DLGAP1: variants seen among roughly 807,000 people sequenced by gnomAD.
DLGAP1 encodes DLG associated protein 1.
A neutral mutation model predicts 90.8 loss-of-function variants in DLGAP1; 11 were observed. The observed-to-expected ratio is 0.12, with a 90% CI of 0.08 to 0.20. The LOEUF (loss-of-function observed/expected upper bound fraction) is 0.20, where lower values mean the gene tolerates loss of function less well. Among genes scored for constraint, DLGAP1 ranks in the 10% least tolerant of loss-of-function variants. The probability of loss-of-function intolerance (pLI) is 1.00; values close to 1 mark genes in which losing one functional copy is unlikely to be tolerated. For synonymous variants in DLGAP1, 558 were observed against 540.7 expected (o/e 1.03, Z -0.44); for missense variants, 1,050 against 1,333.8 (o/e 0.79, Z 3.31).
At chr18:3,848,719 G>C (rs1568234737) in intron 4 of DLGAP1, among the ~76,000 whole-genome samples, 1 of 152,120 alleles carries the variant, frequency 6.6e-6, no homozygotes, top group Admixed American at 6.5e-5. Flanking sequence ...AAGAGATATT[G>C]ATTTGGAATC....
intron 3 of DLGAP1, among the ~76,000 whole-genome samples, chr18:3,908,320 G>A (rs1004251239): frequency 1.3e-5 from 2 of 152,180 alleles, no homozygotes; most frequent in Non-Finnish European, 2.9e-5. Context: ...ATATTACTTA[G>A]AGGTAGTTGC....
rs987455379 is a variant in DLGAP1, at chr18:4,340,172, T to A, written c.-267+114834A>T. Among the ~76,000 whole-genome samples, 3 of 152,188 alleles carry A rather than the reference T, an allele frequency of 2.0e-5. No individual in the cohort carries two copies. In the East Asian group the frequency reaches 5.8e-4, roughly 29 times the overall value. On this transcript the variant is annotated intron_variant, in intron 1 of 12. Coordinates refer to ENST00000315677, the MANE Select transcript of DLGAP1 (RefSeq NM_004746.4). ...TAACTAATAATTATTAGTTGAATAT[T>A]ATTAATGACATATTATAAAATAAGG...
chr18:3,889,107 G>A (rs997568253), intron 3 of DLGAP1, among the ~76,000 whole-genome samples: 4 of 152,078 alleles, frequency 2.6e-5, no homozygotes, highest in African/African-American at 7.2e-5. Context: ...ACCCATCAGC[G>A]TTTACTCCAA....
At chr18:3,828,291 T>G (rs561208114) in intron 4 of DLGAP1, among the ~76,000 whole-genome samples, 1 of 152,324 alleles carries the variant, frequency 6.6e-6, no homozygotes, top group South Asian at 2.1e-4. Flanking sequence ...TGCTTTTTCA[T>G]GTTCTTGTAC....
intron 4 of DLGAP1, among the ~76,000 whole-genome samples, chr18:3,843,850 A>T (rs1235650330): frequency 6.6e-6 from 1 of 152,160 alleles, no homozygotes; most frequent in African/African-American, 2.4e-5. Flanking sequence ...TGACTTAGTA[A>T]ATTACAGGCA....
At chr18:3,551,608 T>TCTTG (rs145315408) in intron 9 of DLGAP1, among the ~76,000 whole-genome samples, 1 of 93,514 alleles carries the variant, frequency 1.1e-5, no homozygotes, top group African/African-American at 3.9e-5. Flanking sequence ...TCTTTTTCTT[T>TCTTG]CTTTCTTTCT....
intron 9 of DLGAP1, among the ~76,000 whole-genome samples, chr18:3,544,719 TTTTATTTA>T (rs3072938): frequency 7.1e-4 from 101 of 143,200 alleles, no homozygotes; most frequent in African/African-American, 2.1e-3. Context: ...TGTACTTTGC[TTTTATTTA>T]TTTATTTATT....
chr18:3,756,340 C>A (rs559273192), intron 5 of DLGAP1, among the ~76,000 whole-genome samples: 2 of 152,006 alleles, frequency 1.3e-5, no homozygotes, highest in African/African-American at 4.8e-5. Context: ...TGAGCCACCA[C>A]GCCTGGCCTA....
chr18:3,881,000 T>TA (rs913640916), intron 3 of DLGAP1, among the ~76,000 whole-genome samples: 57 of 150,318 alleles, frequency 3.8e-4, no homozygotes, highest in South Asian at 2.1e-3. Flanking sequence ...AAACTATATT[T>TA]AAAAAAAAAC....
intron 7 of DLGAP1, among the ~76,000 whole-genome samples, chr18:3,621,679 C>G (rs2058100331): frequency 1.3e-5 from 2 of 152,242 alleles, no homozygotes; most frequent in African/African-American, 4.8e-5. Context: ...CGTGGCTGCA[C>G]TGGAGTCTCT....
chr18:4,283,665 T>G (rs1385005791), intron 1 of DLGAP1, among the ~76,000 whole-genome samples: 4 of 152,164 alleles, frequency 2.6e-5, no homozygotes, highest in African/African-American at 9.6e-5. Flanking sequence ...AGGGATCAAA[T>G]AGTTTGGGAT....
intron 7 of DLGAP1, among the ~76,000 whole-genome samples, chr18:3,599,634 G>GT: frequency 6.6e-6 from 1 of 152,180 alleles, no homozygotes; most frequent in African/African-American, 2.4e-5. Flanking sequence ...TGTTTGTTTT[G>GT]TTTTTTGAGA....
At chr18:4,163,521 T>C (rs1486464584) in intron 1 of DLGAP1, among the ~76,000 whole-genome samples, 1 of 152,236 alleles carries the variant, frequency 6.6e-6, no homozygotes, top group Non-Finnish European at 1.5e-5. Flanking sequence ...TTATTTTCAT[T>C]AGTTCCCACA....
chr18:4,235,898 G>C (rs1375598409), intron 1 of DLGAP1, among the ~76,000 whole-genome samples: 1 of 151,578 alleles, frequency 6.6e-6, no homozygotes, highest in Admixed American at 6.6e-5. Context: ...GCTAATTTTT[G>C]TATTTTTAGT....
At chr18:4,258,016 C>T (rs928526254) in intron 1 of DLGAP1, among the ~76,000 whole-genome samples, 196 of 127,508 alleles carry the variant, frequency 1.5e-3, no homozygotes, top group Middle Eastern at 0.013. Context: ...TGTGTGCGCG[C>T]GCGCGCGTAT....
chr18:4,010,276 G>C (rs1191114266), intron 2 of DLGAP1, among the ~76,000 whole-genome samples: 1 of 152,226 alleles, frequency 6.6e-6, no homozygotes, highest in East Asian at 1.9e-4. Flanking sequence ...TGGGTGCGGT[G>C]GCTCAGTGCT....
At chr18:3,659,443 C>T (rs1341975335) in intron 7 of DLGAP1, among the ~76,000 whole-genome samples, 1 of 111,526 alleles carries the variant, frequency 9.0e-6, no homozygotes, top group Non-Finnish European at 1.7e-5. Context: ...ACGGATGCTA[C>T]CACCCCCCGC....
intron 1 of DLGAP1, among the ~76,000 whole-genome samples, chr18:4,163,539 C>T (rs879322401): frequency 6.6e-6 from 1 of 152,232 alleles, no homozygotes; most frequent in Non-Finnish European, 1.5e-5. Flanking sequence ...ACATGGTTCA[C>T]AATGGGCACA....
At chr18:4,172,066 T>G in intron 1 of DLGAP1, among the ~76,000 whole-genome samples, 1 of 152,132 alleles carries the variant, frequency 6.6e-6, no homozygotes, top group East Asian at 1.9e-4. Context: ...GAGTTTCAGA[T>G]TTGGGTTTTG....
Sources: gnomAD v4.1 joint callset for allele counts (sites outside exome capture counted in the v4.1 genomes callset) on GRCh38, gnomAD v4.1.1 for gene constraint, MANE v1.5 for transcripts, NCBI Gene and HGNC (gene_info 2026-07-23, HGNC 2026-07-21) for gene names.